EPHB4: variants seen among roughly 807,000 people sequenced by gnomAD.
EPHB4 encodes ephrin type-B receptor 4.
EPHB4 carries 50 observed loss-of-function variants against 110.6 expected under a neutral mutation model. That is an observed-to-expected ratio of 0.45 (90% CI 0.36 to 0.57). The LOEUF is 0.57. Ranked by LOEUF, EPHB4 falls within the 20% of genes least tolerant of loss-of-function variation. The pLI, the probability that EPHB4 is intolerant of heterozygous loss-of-function variation, is 0.00. For synonymous variants in EPHB4, 592 were observed against 578.4 expected, an observed-to-expected ratio of 1.02 and a Z score of -0.34; for missense variants, 1,128 against 1,382.1, an observed-to-expected ratio of 0.82 and a Z score of 2.91.
In EPHB4 at chr7:100,806,416, T is replaced by G; in HGVS notation, c.2484+4A>C. 1 of 1,612,678 alleles carries G rather than the reference T, an allele frequency of 6.2e-7. No homozygotes were observed. Among genetic ancestry groups the G allele is most frequent in the South Asian group, 1.1e-5 (1 of 90,892 alleles). On this transcript the variant is annotated splice_donor_region_variant and intron_variant, in intron 14 of 16. Transcript: ENST00000358173. ...AAAGCTTGGTAGGACCACGGGACAC[T>G]TACGTCCTGATTGCTCATGTCCCAG...
At chr7:100,823,510 C>T in intron 3 of EPHB4, 134 bp downstream of exon 3, 1 of 1,214,822 alleles carries the variant, frequency 8.2e-7, no homozygotes, top group Non-Finnish European at 1.1e-6. Flanking sequence ...CCTCCCCAGA[C>T]CTAAGCCTCC....
chr7:100,818,744 C>T, intron 6 of EPHB4, 100 bp from the exon 7 acceptor site: 1 of 1,422,168 alleles, frequency 7.0e-7, no homozygotes, highest in Non-Finnish European at 9.3e-7. Flanking sequence ...GCTCTATCAC[C>T]CAGGCTGGAG....
Position 100,827,129 on chromosome 7 carries a change from C to T in EPHB4, c.-99G>A. 7.5e-7 allele frequency: 1 copy of T among 1,329,562 alleles called. No individual in the cohort carries two copies. The highest frequency in any genetic ancestry group is 1.0e-6 in the Non-Finnish European group (1 of 977,976). 82.4% of individuals were successfully genotyped at this position (1,329,562 alleles called of 1,614,324 possible). A position where few individuals can be genotyped will look rare whatever the true frequency, so the allele number is the denominator to read the frequency against. ...GGCGGGTGGACGCCGATACTCCGCG[C>T]GGGACTCCTCGTCGGGGCCCTCAGC... is the stretch of plus-strand genomic sequence containing the variant. On this transcript the variant is annotated 5_prime_UTR_variant, in exon 1 of 17. Transcript: ENST00000358173.
chr7:100,817,741 G>A (rs1464599471), intron 7 of EPHB4, among the ~76,000 whole-genome samples: 1 of 151,878 alleles, frequency 6.6e-6, no homozygotes, highest in African/African-American at 2.4e-5. Context: ...TGTTGGCCAG[G>A]CTGGTCTCGA....
chr7:100,807,238 A>C (rs888637425), intron 13 of EPHB4, 127 bp downstream of exon 13: 3 of 927,426 alleles, frequency 3.2e-6, no homozygotes, highest in South Asian at 3.2e-5. Flanking sequence ...CTGTCCCCCC[A>C]CCCACAGCCT....
chr7:100,827,023 A>G lies in EPHB4; in HGVS notation c.8T>C (p.Leu3Pro), dbSNP rs1299609173. 6.3e-7 allele frequency: 1 copy of G among 1,583,638 alleles called. No individual in the cohort carries two copies. The highest frequency in any genetic ancestry group is 1.8e-5 in the Admixed American group (1 of 56,856). The change falls in exon 1 of 17, where the codon CTC becomes CCC. Residue 3 changes from leucine to proline, a missense_variant. By Grantham distance (98) the Leu-to-Pro change is moderately conservative. Transcript: ENST00000358173. ME[L>P]RVLLCWASLA... ...CGAAGCCCAGCAGAGCAGCACCCGG[A>G]GCTCCATGGCGCCGCCTCACTCGGG...
intron 12 of EPHB4, 107 bp from the exon 13 acceptor site, chr7:100,807,687 G>A: frequency 1.7e-6 from 2 of 1,192,456 alleles, no homozygotes; most frequent in Non-Finnish European, 2.3e-6. Context: ...TGTCGCCCAG[G>A]CTGGAGTGCA....
chr7:100,802,707 C>CA lies in EPHB4; in HGVS notation c.*753dup, dbSNP rs1198081627. On this transcript the variant is annotated 3_prime_UTR_variant, in exon 17 of 17. Transcript: ENST00000358173. ...TACCGCCCTTTTCACTACCTCACCC[C>CA]ACACCCCTTCATAGGACACAGCTTG... is the stretch of plus-strand genomic sequence containing the variant. The CA allele has an allele frequency of 6.6e-6, 1 of 152,192 alleles. No individual in the cohort carries two copies. Among genetic ancestry groups the CA allele is most frequent in the Non-Finnish European group, 1.5e-5 (1 of 68,058 alleles). 9.4% of individuals were successfully genotyped at this position (152,192 alleles called of 1,614,324 possible).
chr7:100,815,406 C>G (rs1215376147), intron 8 of EPHB4, among the ~76,000 whole-genome samples: 1 of 152,130 alleles, frequency 6.6e-6, no homozygotes, highest in Non-Finnish European at 1.5e-5. Context: ...ACATTCTGCT[C>G]GGTGAACAGT....
rs557614548 is a variant in EPHB4 at position 100,826,510 on chromosome 7, G to A, written c.52+469C>T. Among the ~76,000 whole-genome samples, 231 of 152,222 alleles carry A rather than the reference G, an allele frequency of 1.5e-3. 3 individuals carry two copies. The highest frequency in any genetic ancestry group is 5.4e-3 in the African/African-American group (223 of 41,536). On this transcript the variant is annotated intron_variant, in intron 1 of 16. Transcript: ENST00000358173. ...CTGTTGCAGGAGTGTGGAACTGGAG[G>A]ATCAAGGTGTGATCGCTAAGGAATT...
chr7:100,818,611 C>T lies in EPHB4; in HGVS notation c.1331G>A (p.Arg444Gln), dbSNP rs146064780. The T allele has an allele frequency of 6.2e-6, 10 of 1,612,690 alleles. No individual in the cohort carries two copies. The highest frequency in any genetic ancestry group is 2.2e-5 in the East Asian group (1 of 44,872). The change falls in exon 7 of 17, where the codon CGG (arginine) becomes CAG (glutamine). Residue 444 changes from arginine to glutamine, a missense_variant. By Grantham distance (43) the Arg-to-Gln change is conservative. Coordinates refer to ENST00000358173, the MANE Select transcript of EPHB4 (RefSeq NM_004444.5). Reference protein sequence around the residue: ...PPAVSDIRVTRSSPSSLSLAW... With the variant: ...PPAVSDIRVTQSSPSSLSLAW... Reference sequence around the variant, plus strand: ...CAGGCTCAAGCTGCTGGGTGAGGACCGCGTCACCCGGATGTCAGACACTGC... The same window carrying T: ...CAGGCTCAAGCTGCTGGGTGAGGACTGCGTCACCCGGATGTCAGACACTGC...
At chr7:100,817,419 T>A in intron 7 of EPHB4, 62 bp from the exon 8 acceptor site, 3 of 1,478,682 alleles carry the variant, frequency 2.0e-6, no homozygotes, top group Non-Finnish European at 2.7e-6. Flanking sequence ...TTGCTCTTCC[T>A]GCCTCCTTCC....
chr7:100,809,704 G>C (rs1024115050), intron 12 of EPHB4, among the ~76,000 whole-genome samples: 1 of 152,060 alleles, frequency 6.6e-6, no homozygotes, highest in Non-Finnish European at 1.5e-5. Flanking sequence ...TGTAGAGACG[G>C]GGTTTCACCA....
chr7:100,819,235 CTT>C (rs756249484), intron 6 of EPHB4, among the ~76,000 whole-genome samples: 1 of 152,092 alleles, frequency 6.6e-6, no homozygotes, highest in Non-Finnish European at 1.5e-5. Flanking sequence ...GCCTCAGCCT[CTT>C]GAGTAGCTGG....
intron 12 of EPHB4, among the ~76,000 whole-genome samples, chr7:100,808,598 T>C (rs1812864414): frequency 6.6e-6 from 1 of 152,156 alleles, no homozygotes; most frequent in Non-Finnish European, 1.5e-5. Context: ...TAGCTGTGTA[T>C]GGATTTGCAA....
At chr7:100,805,935 T>C (rs1473861703) in intron 14 of EPHB4, 7 of 420,006 alleles carry the variant, frequency 1.7e-5, no homozygotes. Context: ...TGCATCCTTC[T>C]GCGACCCAAA....
intron 5 of EPHB4, 72 bp downstream of exon 5, chr7:100,820,069 G>A (rs895048836): frequency 1.0e-5 from 16 of 1,565,150 alleles, no homozygotes; most frequent in South Asian, 1.2e-5. Flanking sequence ...GAGGATGGGG[G>A]CCATGTGAGG....
In EPHB4 at chr7:100,818,528, G is replaced by T. The variant is rs149712104; in HGVS notation, c.1414C>A (p.His472Asn). Residue 472 changes from histidine (H) to asparagine (N), a missense_variant, in exon 7 of 17, where the codon CAT becomes AAT. His to Asn is a moderately conservative substitution (Grantham distance 68). Transcript: ENST00000358173. ...CTGGGGGATGGCCTTACCTTCTCAT[G>T]GTATTTGACCTCGTAGTCCAGCACA... The part of the protein sequence containing the change: ...GAVLDYEVKY[H>N]EKGAEGPSSV... 6.2e-7 allele frequency: 1 copy of T among 1,613,982 alleles called. No individual in the cohort carries two copies. The highest frequency in any genetic ancestry group is 1.7e-5 in the Admixed American group (1 of 59,998).
At position 100,822,581 on chromosome 7, in the gene EPHB4, C is replaced by T. The variant is rs1380429345; in HGVS notation, c.498G>A (p.Leu166=). ...TGKVNVKTLR[L]GPLSKAGFYL... ...AGAAGCCAGCCTTGCTGAGCGGTCCCAGACGCAGCGTCTTGACATTCACCT... is the reference window on the plus strand; with the variant it reads ...AGAAGCCAGCCTTGCTGAGCGGTCCTAGACGCAGCGTCTTGACATTCACCT... The change falls in exon 4 of 17, where the codon CTG becomes CTA. Residue 166 remains leucine, a synonymous_variant. Transcript: ENST00000358173. The surrounding 1 kb of genome is among the most constrained non-coding windows in gnomAD (Gnocchi z 4.7). The T allele has an allele frequency of 6.2e-7, 1 of 1,612,404 alleles. No homozygotes were observed.
Sources: allele counts gnomAD v4.1 joint callset (sites outside exome capture counted in the v4.1 genomes callset), GRCh38; gene constraint gnomAD v4.1.1; non-coding constraint Gnocchi (gnomAD v3.1); transcripts MANE v1.5; gene names NCBI Gene and HGNC (gene_info 2026-07-23, HGNC 2026-07-21).